C5AR2: variants seen among roughly 807,000 people sequenced by gnomAD.
C5AR2 encodes complement C5a receptor 2, also known as C5a anaphylatoxin chemotactic receptor 2.
For synonymous variants in C5AR2, 224 were observed against 216.5 expected (o/e 1.03, Z -0.30); for missense variants, 458 against 467.5 (o/e 0.98, Z 0.19).
rs757246640 is a variant in C5AR2, at chr19:47,347,145, A to G, written c.*5332A>G. 21 of 152,090 alleles carry G rather than the reference A, an allele frequency of 1.4e-4. No individual in the cohort carries two copies. Among genetic ancestry groups the G allele is most frequent in the South Asian group, 2.1e-4 (1 of 4,834 alleles). The allele number at this position is 152,090 out of a possible 1,614,324, so 9.4% of individuals were successfully genotyped here. ...TATTTCTGCTATTTGTTTTTTTACCATAGAAATATTGATTTCCTTAAGTTT... is the reference window on the plus strand; with the variant it reads ...TATTTCTGCTATTTGTTTTTTTACCGTAGAAATATTGATTTCCTTAAGTTT... On this transcript the variant is annotated 3_prime_UTR_variant, in exon 2 of 2. Coordinates refer to ENST00000595464, the MANE Select transcript of C5AR2 (RefSeq NM_001271749.2).
Position 47,341,575 on chromosome 19 carries a change from C to T in C5AR2, c.776C>T (p.Ala259Val), listed in dbSNP as rs746547251. ...CTGCTGGGGCTGGTGCTCACTGTGGCGGCCCCGAACTCCGCACTCCTGGCC... is the reference window on the plus strand; with the variant it reads ...CTGCTGGGGCTGGTGCTCACTGTGGTGGCCCCGAACTCCGCACTCCTGGCC... ...YHLLGLVLTV[A>V]APNSALLARA... The change falls in exon 2 of 2, where the codon GCG becomes GTG. Residue 259 changes from alanine (A) to valine (V), a missense_variant. By Grantham distance (64) the Ala-to-Val change is moderately conservative. Transcript: ENST00000595464. This position sits in a 1 kb window ranked among gnomAD's most constrained non-coding sequence, Gnocchi z 4.6. The T allele has an allele frequency of 6.3e-5, 101 of 1,613,414 alleles. No individual in the cohort carries two copies. Among genetic ancestry groups the T allele is most frequent in the Non-Finnish European group, 7.7e-5 (91 of 1,179,910 alleles).
In C5AR2 at chr19:47,342,022, A is replaced by C. The variant is rs1969047829; in HGVS notation, c.*209A>C. ...ACAGACACAAATCCTGCCCTCAGGG[A>C]GCTGATATTCTTCTAGTGGAGGAAG... is the stretch of plus-strand genomic sequence containing the variant. On this transcript the variant is annotated 3_prime_UTR_variant, in exon 2 of 2. Coordinates refer to ENST00000595464, the MANE Select transcript of C5AR2 (RefSeq NM_001271749.2). The C allele has an allele frequency of 3.4e-6, 2 of 580,782 alleles. No individual in the cohort carries two copies. The highest frequency in any genetic ancestry group is 6.1e-5 in the Admixed American group (2 of 32,704). 36.0% of individuals were successfully genotyped at this position (580,782 alleles called of 1,614,324 possible).
Position 47,341,940 on chromosome 19 carries a change from C to T in C5AR2, c.*127C>T, listed in dbSNP as rs1969046720. ...CTTCCTTCATTCAACAGATATCCAT[C>T]ATGCACTTGCTATGTGCAAGGCCTT... On this transcript the variant is annotated 3_prime_UTR_variant, in exon 2 of 2. Coordinates refer to ENST00000595464, the MANE Select transcript of C5AR2 (RefSeq NM_001271749.2). The surrounding 1 kb of genome is among the most constrained non-coding windows in gnomAD (Gnocchi z 4.6). 1.1e-6 allele frequency: 1 copy of T among 937,708 alleles called. No individual in the cohort carries two copies. 58.1% of individuals were successfully genotyped at this position (937,708 alleles called of 1,614,324 possible). A position where few individuals can be genotyped will look rare whatever the true frequency, so the allele number is the denominator to read the frequency against.
rs896545184 is a variant in C5AR2 at position 47,345,558 on chromosome 19, A to T, written c.*3745A>T. 4.7e-5 allele frequency: 7 copies of T among 149,874 alleles called. No homozygotes were observed. The highest frequency in any genetic ancestry group is 1.7e-4 in the African/African-American group (7 of 40,620). The allele number at this position is 149,874 out of a possible 1,614,324, so 9.3% of individuals were successfully genotyped here. The stretch of plus-strand genomic sequence containing the variant: ...GTTTTTTTTTTTTTATTTTTAGTAG[A>T]GACGGGGTTTCTCCATGTTGGCCAG... On this transcript the variant is annotated 3_prime_UTR_variant, in exon 2 of 2. Transcript: ENST00000595464.
intron 1 of C5AR2, among the ~76,000 whole-genome samples, chr19:47,332,619 T>G (rs905305937): frequency 6.6e-6 from 1 of 152,090 alleles, no homozygotes; most frequent in African/African-American, 2.4e-5. Flanking sequence ...CAGGCTGGAG[T>G]GCAATGGTGC....
intron 1 of C5AR2, among the ~76,000 whole-genome samples, chr19:47,337,484 A>T (rs1052287518): frequency 2.4e-4 from 37 of 151,888 alleles, no homozygotes; most frequent in African/African-American, 8.5e-4. Context: ...CAATATGATG[A>T]AACCCCGTAT....
intron 1 of C5AR2, among the ~76,000 whole-genome samples, chr19:47,339,820 C>A (rs1349379090): frequency 6.6e-6 from 1 of 152,188 alleles, no homozygotes; most frequent in African/African-American, 2.4e-5. Context: ...ATGCAAATGT[C>A]ACCTTCTCAA....
intron 1 of C5AR2, among the ~76,000 whole-genome samples, chr19:47,339,276 C>G (rs903995512): frequency 6.6e-6 from 1 of 152,036 alleles, no homozygotes; most frequent in Non-Finnish European, 1.5e-5. Context: ...CCCTACATGC[C>G]GTGGCCCCTG....
In C5AR2 at chr19:47,340,879, C is replaced by T. The variant is rs370631215; in HGVS notation, c.80C>T (p.Ala27Val). The change falls in exon 2 of 2, where the codon GCC becomes GTC. Residue 27 changes from alanine (A) to valine (V), a missense_variant. Transcript: ENST00000595464. Reference sequence around the variant, plus strand: ...CGCCCTGTGGACTGCCTGGATGGCGCCTGCCTGGCCATCGACCCGCTGCGC... The same window carrying T: ...CGCCCTGTGGACTGCCTGGATGGCGTCTGCCTGGCCATCGACCCGCTGCGC... ...SDRPVDCLDG[A>V]CLAIDPLRVA... 1 of 1,613,494 alleles carries T rather than the reference C, an allele frequency of 6.2e-7. No homozygotes were observed. The highest frequency in any genetic ancestry group is 8.5e-7 in the Non-Finnish European group (1 of 1,179,982).
chr19:47,333,800 C>T (rs546485715), intron 1 of C5AR2, among the ~76,000 whole-genome samples: 38 of 152,074 alleles, frequency 2.5e-4, no homozygotes, highest in South Asian at 1.0e-3. Flanking sequence ...AGGATGGTCT[C>T]GATCTCCTGA....
rs376182734 is a variant in C5AR2, at chr19:47,340,912, C to A, written c.113C>A (p.Pro38Gln). The change falls in exon 2 of 2, where the codon CCG becomes CAG. Residue 38 changes from proline (P) to glutamine (Q), a missense_variant. Pro to Gln is a moderately conservative substitution (Grantham distance 76). Transcript: ENST00000595464. ...GCCATCGACCCGCTGCGCGTGGCCC[C>A]GCTCCCACTGTATGCCGCCATCTTC... ...CLAIDPLRVA[P>Q]LPLYAAIFLV... 1 of 1,612,680 alleles carries A rather than the reference C, an allele frequency of 6.2e-7. No homozygotes were observed. The highest frequency in any genetic ancestry group is 1.3e-5 in the African/African-American group (1 of 74,942).
intron 1 of C5AR2, among the ~76,000 whole-genome samples, chr19:47,336,182 C>T (rs1338624997): frequency 1.3e-5 from 2 of 149,848 alleles, no homozygotes; most frequent in Admixed American, 6.7e-5. Flanking sequence ...CTCTGCCTCC[C>T]GGGTTCCAGC....
At chr19:47,333,736 G>A (rs1026316329) in intron 1 of C5AR2, among the ~76,000 whole-genome samples, 14 of 151,766 alleles carry the variant, frequency 9.2e-5, no homozygotes, top group Admixed American at 4.6e-4. Context: ...CCGCCACCGC[G>A]CCCAGCTAAT....
At position 47,341,632 on chromosome 19, in the gene C5AR2, G is replaced by A; in HGVS notation, c.833G>A (p.Gly278Asp). The A allele has an allele frequency of 1.9e-6, 3 of 1,614,042 alleles. No homozygotes were observed. The highest frequency in any genetic ancestry group is 2.2e-5 in the South Asian group (2 of 91,086). ...CTGCGGGCTGAACCCCTCATCGTGG[G>A]CCTTGCCCTCGCTCACAGCTGCCTC... ...RALRAEPLIV[G>D]LALAHSCLNP... is the part of the protein sequence containing the mutation. The change falls in exon 2 of 2, where the codon GGC (glycine) becomes GAC (aspartate). Residue 278 changes from glycine to aspartate, a missense_variant. By Grantham distance (94) the Gly-to-Asp change is moderately conservative. Transcript: ENST00000595464. The surrounding 1 kb of genome is among the most constrained non-coding windows in gnomAD (Gnocchi z 4.6).
In C5AR2 at chr19:47,341,369, C is replaced by T. The variant is rs760738272; in HGVS notation, c.570C>T (p.Tyr190=). 66 of 1,612,256 alleles carry T rather than the reference C, an allele frequency of 4.1e-5. No homozygotes were observed. Among genetic ancestry groups the T allele is most frequent in the Middle Eastern group, 3.3e-4 (2 of 6,084 alleles). Residue 190 remains tyrosine, a synonymous_variant, in exon 2 of 2, where the codon TAC becomes TAT. Transcript: ENST00000595464. The surrounding 1 kb of genome is among the most constrained non-coding windows in gnomAD (Gnocchi z 4.6). ...FPARLQCVVD[Y]GGSSSTENAV... is the part of the protein sequence containing the mutation. Reference sequence around the variant, plus strand: ...CCCGGCTGCAGTGTGTGGTGGACTACGGCGGCTCCTCCAGCACCGAGAATG... The same window carrying T: ...CCCGGCTGCAGTGTGTGGTGGACTATGGCGGCTCCTCCAGCACCGAGAATG...
At position 47,341,114 on chromosome 19, in the gene C5AR2, G is replaced by A; in HGVS notation, c.315G>A (p.Val105=). The part of the protein sequence containing the change: ...ARGGHWPYGA[V]GCRALPSIIL... The stretch of plus-strand genomic sequence containing the variant: ...GAGGCCACTGGCCGTATGGTGCAGT[G>A]GGCTGTCGGGCGCTGCCCTCCATCA... Residue 105 remains valine, a synonymous_variant, in exon 2 of 2, where the codon GTG becomes GTA. Transcript: ENST00000595464. This position sits in a 1 kb window ranked among gnomAD's most constrained non-coding sequence, Gnocchi z 4.6. The A allele has an allele frequency of 6.2e-7, 1 of 1,603,396 alleles. No individual in the cohort carries two copies. The highest frequency in any genetic ancestry group is 8.5e-7 in the Non-Finnish European group (1 of 1,179,898).
Position 47,341,112 on chromosome 19 carries a change from G to A in C5AR2, c.313G>A (p.Val105Met). ...TGGAGGCCACTGGCCGTATGGTGCA[G>A]TGGGCTGTCGGGCGCTGCCCTCCAT... The part of the protein sequence containing the change: ...ARGGHWPYGA[V>M]GCRALPSIIL... Residue 105 changes from valine (V) to methionine (M), a missense_variant, in exon 2 of 2, where the codon GTG becomes ATG. Transcript: ENST00000595464. The surrounding 1 kb of genome is among the most constrained non-coding windows in gnomAD (Gnocchi z 4.6). 2 of 1,603,744 alleles carry A rather than the reference G, an allele frequency of 1.2e-6. No individual in the cohort carries two copies. Among genetic ancestry groups the A allele is most frequent in the African/African-American group, 1.3e-5 (1 of 75,070 alleles).
chr19:47,333,950 G>A (rs997674718), intron 1 of C5AR2, among the ~76,000 whole-genome samples: 8 of 152,114 alleles, frequency 5.3e-5, no homozygotes, highest in South Asian at 2.1e-4. Flanking sequence ...ACAGACAGGC[G>A]TGCACCAAGA....
Position 47,342,015 on chromosome 19 carries a change from C to A in C5AR2, c.*202C>A. ...GACCAAAACAGACACAAATCCTGCCCTCAGGGAGCTGATATTCTTCTAGTG... is the reference window on the plus strand; with the variant it reads ...GACCAAAACAGACACAAATCCTGCCATCAGGGAGCTGATATTCTTCTAGTG... On this transcript the variant is annotated 3_prime_UTR_variant, in exon 2 of 2. Coordinates refer to ENST00000595464, the MANE Select transcript of C5AR2 (RefSeq NM_001271749.2). The A allele has an allele frequency of 3.4e-6, 2 of 584,966 alleles. No individual in the cohort carries two copies. The highest frequency in any genetic ancestry group is 6.2e-6 in the Non-Finnish European group (2 of 322,080). 36.2% of individuals were successfully genotyped at this position (584,966 alleles called of 1,614,324 possible). A position where few individuals can be genotyped will look rare whatever the true frequency, so the allele number is the denominator to read the frequency against.
Sources: gnomAD v4.1 joint callset for allele counts (sites outside exome capture counted in the v4.1 genomes callset) on GRCh38, gnomAD v4.1.1 for gene constraint, Gnocchi (gnomAD v3.1) non-coding constraint, MANE v1.5 for transcripts, NCBI Gene and HGNC (gene_info 2026-07-23, HGNC 2026-07-21) for gene names.